The following GRM7 variants were observed in gnomAD, a reference collection of about 807,000 sequenced individuals.
GRM7 encodes the protein glutamate metabotropic receptor 7.
In GRM7, 35 loss-of-function variants were observed where a neutral mutation model predicts 84.5. The observed-to-expected ratio is 0.41, with a 90% CI of 0.32 to 0.55. GRM7 has a LOEUF of 0.55. Among genes scored for constraint, GRM7 ranks in the 20% least tolerant of loss-of-function variants. The pLI is 0.19. For missense variants in GRM7, 1,003 were observed against 1,194.6 expected (o/e 0.84, Z 2.36); for synonymous variants, 487 against 455.1 (o/e 1.07, Z -0.89).
intron 1 of GRM7, among the ~76,000 whole-genome samples, chr3:6,977,196 C>T (rs1229406736): frequency 1.3e-5 from 2 of 152,112 alleles, no homozygotes; most frequent in Admixed American, 6.6e-5. Context: ...ATGCCATTTG[C>T]CACTTTAGTT....
chr3:7,277,386 G>A (rs1699111123), intron 2 of GRM7, among the ~76,000 whole-genome samples: 2 of 151,718 alleles, frequency 1.3e-5, no homozygotes, highest in South Asian at 4.2e-4. Context: ...TCACTTAATG[G>A]TCAAATTTTA....
At chr3:7,510,156 G>A (rs1700156698) in intron 7 of GRM7, among the ~76,000 whole-genome samples, 1 of 152,002 alleles carries the variant, frequency 6.6e-6, no homozygotes, top group East Asian at 1.9e-4. Flanking sequence ...GTAAGTTTCA[G>A]CTTATTTCAG....
At chr3:7,626,317 G>A (rs1473971576) in intron 8 of GRM7, among the ~76,000 whole-genome samples, 4 of 152,108 alleles carry the variant, frequency 2.6e-5, no homozygotes, top group African/African-American at 4.8e-5. Flanking sequence ...AACATGAAAC[G>A]TCCAGAAGGC....
chr3:7,207,452 AG>A (rs1696276826), intron 2 of GRM7, among the ~76,000 whole-genome samples: 1 of 152,128 alleles, frequency 6.6e-6, no homozygotes, highest in African/African-American at 2.4e-5. Context: ...TTTCATCTAC[AG>A]GCTGACTCTT....
Position 7,416,897 on chromosome 3 carries a change from A to G in GRM7, c.1174+1734A>G, listed in dbSNP as rs140386036. On this transcript the variant is annotated intron_variant, in intron 5 of 9. Coordinates refer to ENST00000357716, the MANE Select transcript of GRM7 (RefSeq NM_000844.4). Reference sequence around the variant, plus strand: ...GGGTACATTCAAGTGCACCGGAAGTATGTAGATGATTGAAGACAGTTTTCC... The same window carrying G: ...GGGTACATTCAAGTGCACCGGAAGTGTGTAGATGATTGAAGACAGTTTTCC... 2.5e-4 allele frequency among the ~76,000 whole-genome samples: 38 copies of G among 152,230 alleles called. 1 individual carries two copies. The highest frequency in any genetic ancestry group is 8.2e-4 in the African/African-American group (34 of 41,548).
chr3:6,956,683 C>G, intron 1 of GRM7: 1 of 454,698 alleles, frequency 2.2e-6, no homozygotes, highest in South Asian at 1.6e-5. Context: ...ATGAATCTCT[C>G]GCAACTCCAA....
chr3:7,411,800 C>G (rs748067363), intron 4 of GRM7, among the ~76,000 whole-genome samples: 1 of 152,154 alleles, frequency 6.6e-6, no homozygotes, highest in Non-Finnish European at 1.5e-5. Flanking sequence ...TAAACTTTCT[C>G]TAGTGCATGT....
intron 5 of GRM7, among the ~76,000 whole-genome samples, chr3:7,427,640 C>A (rs1008199822): frequency 6.6e-6 from 1 of 152,200 alleles, no homozygotes; most frequent in African/African-American, 2.4e-5. Context: ...GCATTGGTCA[C>A]TCACTTGAGC....
At chr3:6,911,409 G>A (rs1053714584) in intron 1 of GRM7, among the ~76,000 whole-genome samples, 1 of 152,060 alleles carries the variant, frequency 6.6e-6, no homozygotes, top group African/African-American at 2.4e-5. Context: ...TGGGACTTAT[G>A]TTCCTTCATC....
At chr3:7,644,138 A>G (rs28438895) in intron 8 of GRM7, among the ~76,000 whole-genome samples, 95,246 of 109,416 alleles carry the variant, frequency 0.87, 42,006 homozygotes, top group African/African-American at 0.94. Flanking sequence ...GTGTGTGTGT[A>G]TATATATGTC....
intron 7 of GRM7, among the ~76,000 whole-genome samples, chr3:7,498,173 C>T (rs555028515): frequency 6.6e-5 from 10 of 152,250 alleles, no homozygotes; most frequent in Non-Finnish European, 5.9e-5. Context: ...ACAAGTAAAC[C>T]TTGCCTCCCT....
At chr3:6,878,580 C>T (rs1695399487) in intron 1 of GRM7, among the ~76,000 whole-genome samples, 1 of 145,696 alleles carries the variant, frequency 6.9e-6, no homozygotes. Flanking sequence ...AACACATCCT[C>T]TCAGACATGG....
chr3:7,483,475 T>C (rs2124940416), intron 7 of GRM7, among the ~76,000 whole-genome samples: 1 of 151,904 alleles, frequency 6.6e-6, no homozygotes, highest in African/African-American at 2.4e-5. Context: ...GGAGTGGAAG[T>C]GAAAGAAGCC....
chr3:7,315,810 T>G, intron 4 of GRM7, among the ~76,000 whole-genome samples: 1 of 152,166 alleles, frequency 6.6e-6, no homozygotes, highest in South Asian at 2.1e-4. Flanking sequence ...GTTTTCAGCA[T>G]TCTGACAAAA....
intron 1 of GRM7, among the ~76,000 whole-genome samples, chr3:7,068,922 C>T (rs1297078733): frequency 2.4e-4 from 36 of 151,958 alleles, no homozygotes; most frequent in Non-Finnish European, 4.4e-5. Flanking sequence ...TTTTATGTAA[C>T]TATTTCTTTA....
intron 1 of GRM7, among the ~76,000 whole-genome samples, chr3:7,121,729 G>A (rs1693228171): frequency 6.6e-6 from 1 of 152,146 alleles, no homozygotes; most frequent in Non-Finnish European, 1.5e-5. Flanking sequence ...AAGCAGAGAT[G>A]GGTTTTATGG....
chr3:7,340,343 G>A lies in GRM7; in HGVS notation c.1033+33691G>A, dbSNP rs565949861. On this transcript the variant is annotated intron_variant, in intron 4 of 9. Coordinates refer to ENST00000357716, the MANE Select transcript of GRM7 (RefSeq NM_000844.4). ...TTCACAGTTCCGCATGGCCAGTGAG[G>A]CCTTAGGAAACTTACAATCATGGCA... is the stretch of plus-strand genomic sequence containing the variant. 3.3e-5 allele frequency among the ~76,000 whole-genome samples: 5 copies of A among 152,276 alleles called. No individual in the cohort carries two copies. The East Asian group carries it at 9.7e-4, about 29-fold the overall frequency.
chr3:7,385,483 G>A (rs996335008), intron 4 of GRM7, among the ~76,000 whole-genome samples: 1 of 151,632 alleles, frequency 6.6e-6, no homozygotes, highest in African/African-American at 2.4e-5. Flanking sequence ...TGTATTGCTA[G>A]TAGAGACAGG....
At chr3:7,460,099 TAAAAAAAAAAAAAAA>T (rs71066013) in intron 6 of GRM7, among the ~76,000 whole-genome samples, 30 of 49,550 alleles carry the variant, frequency 6.1e-4, no homozygotes, top group Admixed American at 9.4e-4. Flanking sequence ...CTTAAAATAG[TAAAAAAAAAAAAAAA>T]AAAAAAAAAA....
Sources: gnomAD v4.1 joint callset for allele counts (sites outside exome capture counted in the v4.1 genomes callset) on GRCh38, gnomAD v4.1.1 for gene constraint, MANE v1.5 for transcripts, NCBI Gene and HGNC (gene_info 2026-07-23, HGNC 2026-07-21) for gene names.